The following DAB1 variants were observed in gnomAD, a reference collection of about 807,000 sequenced individuals.
DAB1 encodes DAB adaptor protein 1.
Under a neutral mutation model 64.6 loss-of-function variants are expected in DAB1, and 15 were observed. The observed-to-expected ratio is 0.23, with a 90% CI of 0.16 to 0.36. The LOEUF (loss-of-function observed/expected upper bound fraction) is 0.36. Ranked by LOEUF, DAB1 falls within the 10% of genes least tolerant of loss-of-function variation. DAB1 has a pLI of 1.00. For synonymous variants in DAB1, 235 were observed against 251.9 expected (o/e 0.93, Z 0.64); for missense variants, 596 against 706.7 (o/e 0.84, Z 1.78).
At chr1:57,834,342 G>A (rs879745081) in intron 1 of DAB1, among the ~76,000 whole-genome samples, 7 of 152,020 alleles carry the variant, frequency 4.6e-5, no homozygotes, top group Admixed American at 6.6e-5. Context: ...AATACACAGA[G>A]GCTAACTAAT....
chr1:57,982,263 G>A (rs1646084569), intron 5 of DAB1, among the ~76,000 whole-genome samples: 1 of 152,188 alleles, frequency 6.6e-6, no homozygotes, highest in East Asian at 1.9e-4. Flanking sequence ...AAGGTAAATT[G>A]TCCTTTAGAA....
intron 7 of DAB1, among the ~76,000 whole-genome samples, chr1:57,615,623 C>T (rs1234040201): frequency 6.6e-6 from 1 of 152,136 alleles, no homozygotes; most frequent in Non-Finnish European, 1.5e-5. Context: ...TAGCTAGGTG[C>T]TGTCATTTGT....
At chr1:57,622,912 C>T (rs1465444781) in intron 7 of DAB1, among the ~76,000 whole-genome samples, 1 of 152,124 alleles carries the variant, frequency 6.6e-6, no homozygotes, top group Non-Finnish European at 1.5e-5. Context: ...CAAGGTCCTC[C>T]TAAGGCCAGC....
chr1:57,808,182 C>A (rs1651454239), intron 6 of DAB1, among the ~76,000 whole-genome samples: 1 of 127,096 alleles, frequency 7.9e-6, no homozygotes, highest in Non-Finnish European at 1.6e-5. Context: ...TTCTCTCTCA[C>A]ACACACATGC....
At chr1:58,502,384 T>G (rs762743444) in intron 3 of DAB1, among the ~76,000 whole-genome samples, 7 of 152,202 alleles carry the variant, frequency 4.6e-5, no homozygotes, top group Admixed American at 6.5e-5. Context: ...CTCTAATCAC[T>G]TCCTACGTGA....
chr1:57,019,125 C>T (rs980604459), intron 11 of DAB1, among the ~76,000 whole-genome samples: 2 of 152,198 alleles, frequency 1.3e-5, no homozygotes, highest in Admixed American at 6.5e-5. Context: ...GTTCTATCTT[C>T]CCTGATGAGA....
rs74074976 is a variant in DAB1 at position 57,381,247 on chromosome 1, T to C, written c.-137+42683A>G. ...GCTCTGATTTACCTTATTTTTCCAA[T>C]TCAAACTTAGAAGATAATAGAACAA... On this transcript the variant is annotated intron_variant, in intron 1 of 14. Transcript: ENST00000371236. Among the ~76,000 whole-genome samples, 1,499 of 152,258 alleles carry C rather than the reference T, an allele frequency of 9.8e-3. 13 individuals are homozygous for C. Among genetic ancestry groups the C allele is most frequent in the African/African-American group, 0.021 (879 of 41,552 alleles).
intron 1 of DAB1, among the ~76,000 whole-genome samples, chr1:57,364,857 A>G (rs193014737): frequency 8.9e-5 from 13 of 146,032 alleles, no homozygotes; most frequent in East Asian, 2.0e-4. Context: ...ATATATATGT[A>G]TATATATATA....
At chr1:57,928,683 C>T (rs1644913474) in intron 5 of DAB1, among the ~76,000 whole-genome samples, 1 of 152,160 alleles carries the variant, frequency 6.6e-6, no homozygotes, top group East Asian at 1.9e-4. Context: ...TCCACAATGC[C>T]ATATAGTTGA....
chr1:57,530,225 G>T (rs2101412925), intron 7 of DAB1, among the ~76,000 whole-genome samples: 1 of 152,276 alleles, frequency 6.6e-6, no homozygotes, highest in African/African-American at 2.4e-5. Context: ...GAATCTCATT[G>T]CTATCTTTGA....
intron 3 of DAB1, among the ~76,000 whole-genome samples, chr1:58,413,161 T>C (rs1213896688): frequency 6.6e-6 from 1 of 152,190 alleles, no homozygotes; most frequent in East Asian, 1.9e-4. Flanking sequence ...CCTAATAGCT[T>C]AGCACTTGGC....
chr1:58,435,665 C>T (rs1394016623), intron 3 of DAB1, among the ~76,000 whole-genome samples: 2 of 152,150 alleles, frequency 1.3e-5, no homozygotes, highest in East Asian at 3.9e-4. Flanking sequence ...TACTTTCCTC[C>T]TCCCTGTCAG....
At chr1:57,059,562 C>G (rs1334737834) in intron 9 of DAB1, among the ~76,000 whole-genome samples, 1 of 152,002 alleles carries the variant, frequency 6.6e-6, no homozygotes, top group Non-Finnish European at 1.5e-5. Flanking sequence ...TACAGAGGTA[C>G]TCTAGGGAGT....
intron 7 of DAB1, among the ~76,000 whole-genome samples, chr1:57,645,210 G>A (rs74419851): frequency 5.3e-5 from 8 of 152,248 alleles, no homozygotes; most frequent in Middle Eastern, 3.4e-3. Context: ...CCAGATTCTC[G>A]GTAATGTAAT....
At chr1:57,519,059 G>A (rs973385837) in intron 7 of DAB1, among the ~76,000 whole-genome samples, 2 of 152,144 alleles carry the variant, frequency 1.3e-5, no homozygotes. Context: ...GAGCCTGCCT[G>A]TTGAATGAAG....
intron 4 of DAB1, among the ~76,000 whole-genome samples, chr1:57,079,135 T>C (rs1652249136): frequency 6.6e-6 from 1 of 152,230 alleles, no homozygotes; most frequent in Admixed American, 6.5e-5. Context: ...CATATCCATA[T>C]ATGTGTACAT....
chr1:58,171,333 A>T lies in DAB1; in HGVS notation n.310-20745T>A, dbSNP rs551991344. Among the ~76,000 whole-genome samples, 10 of 152,330 alleles carry T rather than the reference A, an allele frequency of 6.6e-5. No homozygotes were observed. In the East Asian group the frequency reaches 1.9e-3, roughly 29 times the overall value. On this transcript the variant is annotated intron_variant and non_coding_transcript_variant, in intron 4 of 20. Transcript: ENST00000485760. ...CAATATCCCTTAAGGCCTGAAGCTC[A>T]TAAAGGATTACAGGATATTGTTAAA... is the stretch of plus-strand genomic sequence containing the variant.
At chr1:57,216,601 A>C (rs1666446190) in intron 2 of DAB1, among the ~76,000 whole-genome samples, 2 of 152,184 alleles carry the variant, frequency 1.3e-5, no homozygotes, top group South Asian at 4.1e-4. Context: ...CATGTCCTTA[A>C]GGAGACTGTA....
chr1:58,529,289 A>C (rs962627074), intron 1 of DAB1, among the ~76,000 whole-genome samples: 6 of 152,220 alleles, frequency 3.9e-5, no homozygotes, highest in Non-Finnish European at 7.3e-5. Context: ...AACTCCACAA[A>C]TCATTAAATA....
Sources: allele counts gnomAD v4.1 joint callset (sites outside exome capture counted in the v4.1 genomes callset), GRCh38; gene constraint gnomAD v4.1.1; transcripts MANE v1.5; gene names NCBI Gene and HGNC (gene_info 2026-07-23, HGNC 2026-07-21).